The following IQCM variants were observed in gnomAD, a reference collection of about 807,000 sequenced individuals.
The protein encoded by IQCM is IQ motif containing M.
Under a neutral mutation model 57.6 loss-of-function variants are expected in IQCM, and 45 were observed. The observed-to-expected ratio is 0.78, with a 90% CI of 0.62 to 1.00. The LOEUF is 1.00. Ranked by LOEUF, IQCM falls within the 50% of genes least tolerant of loss-of-function variation. The probability of loss-of-function intolerance (pLI) is 0.00; values close to 1 mark genes in which losing one functional copy is unlikely to be tolerated. For synonymous variants in IQCM, 148 were observed against 158.9 expected, an observed-to-expected ratio of 0.93 and a Z score of 0.51; for missense variants, 468 against 511.6, an observed-to-expected ratio of 0.91 and a Z score of 0.82.
intron 8 of IQCM, among the ~76,000 whole-genome samples, chr4:149,604,512 A>T (rs544423933): frequency 1.3e-5 from 2 of 152,314 alleles, no homozygotes; most frequent in South Asian, 2.1e-4. Flanking sequence ...AAAATACTGC[A>T]AATTTAAACC....
chr4:149,596,962 A>G (rs2150023744), intron 8 of IQCM, among the ~76,000 whole-genome samples: 1 of 152,276 alleles, frequency 6.6e-6, no homozygotes, highest in Non-Finnish European at 1.5e-5. Context: ...GAAAGCAGCA[A>G]TCAAGGAATC....
chr4:149,464,406 G>A (rs900295399), intron 12 of IQCM, among the ~76,000 whole-genome samples: 6 of 152,064 alleles, frequency 3.9e-5, no homozygotes, highest in Non-Finnish European at 5.9e-5. Context: ...TATATTTCCA[G>A]TCCTGTCTAG....
intron 9 of IQCM, among the ~76,000 whole-genome samples, chr4:149,565,513 T>A (rs1311151233): frequency 6.6e-6 from 1 of 152,172 alleles, no homozygotes; most frequent in Non-Finnish European, 1.5e-5. Context: ...ATATTGTATG[T>A]CATTTGAACA....
intron 12 of IQCM, among the ~76,000 whole-genome samples, chr4:149,518,361 TACTC>T (rs1745212633): frequency 6.6e-6 from 1 of 152,196 alleles, no homozygotes; most frequent in Non-Finnish European, 1.5e-5. Context: ...GGTATTCCCT[TACTC>T]ACGAATCTAC....
At chr4:149,654,579 G>A (rs1224401654) in intron 7 of IQCM, among the ~76,000 whole-genome samples, 1 of 152,176 alleles carries the variant, frequency 6.6e-6, no homozygotes. Context: ...AGAACCATAA[G>A]CCAATTAAAC....
intron 2 of IQCM, among the ~76,000 whole-genome samples, chr4:149,744,232 G>A (rs1246938034): frequency 2.0e-5 from 3 of 152,086 alleles, no homozygotes; most frequent in Non-Finnish European, 2.9e-5. Flanking sequence ...TCATCTCATG[G>A]GCTAGAGCAC....
chr4:149,646,636 C>T (rs954348726), intron 7 of IQCM, among the ~76,000 whole-genome samples: 6 of 152,122 alleles, frequency 3.9e-5, no homozygotes, highest in African/African-American at 1.2e-4. Flanking sequence ...GATTTCCATA[C>T]GCTGAAGTTC....
intron 7 of IQCM, among the ~76,000 whole-genome samples, chr4:149,641,246 C>T (rs1025605760): frequency 1.3e-5 from 2 of 151,982 alleles, no homozygotes; most frequent in Non-Finnish European, 2.9e-5. Flanking sequence ...TGTTATTTAG[C>T]CAGTTTATTT....
intron 13 of IQCM, among the ~76,000 whole-genome samples, chr4:149,374,040 AGCAGCAGCG>A (rs1344073416): frequency 6.6e-6 from 1 of 152,180 alleles, no homozygotes; most frequent in Non-Finnish European, 1.5e-5. Context: ...TTGCAGTAGC[AGCAGCAGCG>A]GCAGCAGCAA....
chr4:149,602,389 C>A, intron 8 of IQCM, among the ~76,000 whole-genome samples: 1 of 152,078 alleles, frequency 6.6e-6, no homozygotes, highest in African/African-American at 2.4e-5. Flanking sequence ...TCATAGTACC[C>A]TCTTTATTAT....
intron 12 of IQCM, among the ~76,000 whole-genome samples, chr4:149,473,788 T>G (rs1178405265): frequency 6.6e-6 from 1 of 152,176 alleles, no homozygotes; most frequent in Non-Finnish European, 1.5e-5. Context: ...TGGAATACTA[T>G]GCAGCCATAA....
At chr4:149,384,063 C>T (rs1194993577) in intron 13 of IQCM, among the ~76,000 whole-genome samples, 2 of 152,090 alleles carry the variant, frequency 1.3e-5, no homozygotes, top group Non-Finnish European at 2.9e-5. Flanking sequence ...AGTATATCTT[C>T]TCATGAAATT....
At chr4:149,657,772 T>C (rs991490555) in intron 7 of IQCM, among the ~76,000 whole-genome samples, 84 of 152,302 alleles carry the variant, frequency 5.5e-4, no homozygotes, top group African/African-American at 2.0e-3. Flanking sequence ...CGAGCATTTT[T>C]TCATGTATGT....
chr4:149,727,309 G>T (rs1328104960), intron 5 of IQCM, among the ~76,000 whole-genome samples: 1 of 152,000 alleles, frequency 6.6e-6, no homozygotes, highest in African/African-American at 2.4e-5. Context: ...CATTTAAAAC[G>T]CATCTCTCTA....
intron 6 of IQCM, among the ~76,000 whole-genome samples, chr4:149,683,389 T>A (rs1301060341): frequency 1.3e-5 from 2 of 151,280 alleles, no homozygotes; most frequent in Non-Finnish European, 3.0e-5. Context: ...CAGCATGGTC[T>A]ATGAAAGAGG....
chr4:149,477,507 T>C (rs1560890556), intron 12 of IQCM, among the ~76,000 whole-genome samples: 1 of 152,116 alleles, frequency 6.6e-6, no homozygotes, highest in South Asian at 2.1e-4. Flanking sequence ...TTGGTATATA[T>C]AAGGAAGTAA....
intron 2 of IQCM, among the ~76,000 whole-genome samples, chr4:149,778,435 A>G (rs1771308222): frequency 6.6e-6 from 1 of 152,166 alleles, no homozygotes. Flanking sequence ...AACAAAGCTA[A>G]AGCAGTAGTA....
At chr4:149,619,131 T>TATACAC (rs1491165190) in intron 8 of IQCM, among the ~76,000 whole-genome samples, 2 of 142,004 alleles carry the variant, frequency 1.4e-5, no homozygotes, top group African/African-American at 5.6e-5. Flanking sequence ...TATATATATA[T>TATACAC]ACACCATGGA....
intron 13 of IQCM, among the ~76,000 whole-genome samples, chr4:149,421,641 C>T (rs1228929260): frequency 6.6e-6 from 1 of 151,754 alleles, no homozygotes. Context: ...TTGTATTCAT[C>T]ATTCACTATT....
Sources: gnomAD v4.1 joint callset for allele counts (sites outside exome capture counted in the v4.1 genomes callset) on GRCh38, gnomAD v4.1.1 for gene constraint, MANE v1.5 for transcripts, NCBI Gene and HGNC (gene_info 2026-07-23, HGNC 2026-07-21) for gene names.